The following CDK5RAP1 variants were observed in gnomAD, a reference collection of about 807,000 sequenced individuals.
The protein encoded by CDK5RAP1 is mitochondrial tRNA methylthiotransferase CDK5RAP1.
CDK5RAP1 carries 62 observed loss-of-function variants against 64.5 expected under a neutral mutation model. The observed-to-expected ratio is 0.96, with a 90% CI of 0.78 to 1.19. The LOEUF (loss-of-function observed/expected upper bound fraction) is 1.19. CDK5RAP1 is among the 50% of genes most tolerant of loss of function. The pLI, the probability that CDK5RAP1 is intolerant of heterozygous loss-of-function variation, is 0.00. For synonymous variants in CDK5RAP1, 250 were observed against 261.9 expected (o/e 0.95, Z 0.44); for missense variants, 657 against 735.0 (o/e 0.89, Z 1.23).
intron 5 of CDK5RAP1, among the ~76,000 whole-genome samples, chr20:33,389,233 G>A (rs1257140859): frequency 3.3e-5 from 5 of 150,846 alleles, no homozygotes; most frequent in Admixed American, 1.3e-4. Context: ...CCTCTGCCCC[G>A]CTGCCCCCTC....
At chr20:33,381,927 T>A (rs751590856) in intron 7 of CDK5RAP1, among the ~76,000 whole-genome samples, 2 of 152,164 alleles carry the variant, frequency 1.3e-5, no homozygotes, top group African/African-American at 4.8e-5. Context: ...AGTAAGACAT[T>A]AGTGGAGAAA....
rs929465491 is a variant in CDK5RAP1, at chr20:33,370,557, G to T, written c.1334C>A (p.Ser445Tyr). The change falls in exon 11 of 14, where the codon TCT becomes TAT. Residue 445 changes from serine to tyrosine, a missense_variant. Coordinates refer to ENST00000346416, the MANE Select transcript of CDK5RAP1 (RefSeq NM_016408.4). ...ETEEDHVQTV[S>Y]LLREVQYNMG... ...GTTGTACTGAACTTCCCGGAGCAAA[G>T]AGACTGTCTGGACGTGATCTTCCTC... The T allele has an allele frequency of 1.7e-5, 28 of 1,614,180 alleles. No homozygotes were observed. Among genetic ancestry groups the T allele is most frequent in the Non-Finnish European group, 2.2e-5 (26 of 1,180,024 alleles).
In CDK5RAP1 at chr20:33,370,485, A is replaced by T; in HGVS notation, c.1392+14T>A. ...TCAGGAATGATGTCAGTCCTCCCCA[A>T]CCCCAGGGCTCACCTGTCTCATGCT... On this transcript the variant is annotated intron_variant, in intron 11 of 13. Transcript: ENST00000346416. The T allele has an allele frequency of 6.2e-7, 1 of 1,613,674 alleles. No homozygotes were observed. The highest frequency in any genetic ancestry group is 8.5e-7 in the Non-Finnish European group (1 of 1,179,856).
At chr20:33,368,620 C>T (rs1368871319) in intron 11 of CDK5RAP1, among the ~76,000 whole-genome samples, 1 of 151,904 alleles carries the variant, frequency 6.6e-6, no homozygotes, top group Non-Finnish European at 1.5e-5. Context: ...TGCCTGTAAT[C>T]CCAGCACTTT....
chr20:33,401,205 C>A (rs1989377147), intron 1 of CDK5RAP1, among the ~76,000 whole-genome samples: 1 of 152,220 alleles, frequency 6.6e-6, no homozygotes, highest in Non-Finnish European at 1.5e-5. Context: ...GGTGGCGAAG[C>A]GAAGCCTTGA....
At chr20:33,377,553 A>G (rs1046771160) in intron 8 of CDK5RAP1, among the ~76,000 whole-genome samples, 1 of 152,218 alleles carries the variant, frequency 6.6e-6, no homozygotes, top group African/African-American at 2.4e-5. Flanking sequence ...CTTTGGCTTA[A>G]GGAAGTGCTG....
chr20:33,392,291 G>A (rs780957568), intron 4 of CDK5RAP1, 49 bp from the exon 5 acceptor site: 14 of 1,145,210 alleles, frequency 1.2e-5, no homozygotes, highest in African/African-American at 3.1e-5. Flanking sequence ...AACCACAGAG[G>A]TATCTAAGAG....
intron 1 of CDK5RAP1, among the ~76,000 whole-genome samples, chr20:33,398,196 G>A (rs1346526756): frequency 6.6e-6 from 1 of 152,068 alleles, no homozygotes; most frequent in Non-Finnish European, 1.5e-5. Context: ...AATGACCTAT[G>A]TATAAAGACA....
At chr20:33,366,444 A>G (rs1260121127) in intron 12 of CDK5RAP1, among the ~76,000 whole-genome samples, 1 of 119,308 alleles carries the variant, frequency 8.4e-6, no homozygotes, top group Non-Finnish European at 2.0e-5. Context: ...CCCCGTCTCT[A>G]CTAAAAAAAA....
chr20:33,392,062 C>A, intron 5 of CDK5RAP1, 80 bp downstream of exon 5: 1 of 833,156 alleles, frequency 1.2e-6, no homozygotes, highest in Non-Finnish European at 2.0e-6. Context: ...GGGAATCCAG[C>A]CTCTAAAGGA....
chr20:33,377,320 T>C (rs1032860734), intron 8 of CDK5RAP1, among the ~76,000 whole-genome samples: 1 of 152,230 alleles, frequency 6.6e-6, no homozygotes, highest in African/African-American at 2.4e-5. Flanking sequence ...ATCTGTTGTT[T>C]AGTAGAACCA....
At chr20:33,387,028 C>T (rs1479095884) in intron 6 of CDK5RAP1, among the ~76,000 whole-genome samples, 13 of 151,932 alleles carry the variant, frequency 8.6e-5, no homozygotes. Context: ...TTTTGGAAGG[C>T]TGAGGTGGGA....
chr20:33,397,898 A>G (rs1236167099), intron 1 of CDK5RAP1, among the ~76,000 whole-genome samples: 1 of 152,192 alleles, frequency 6.6e-6, no homozygotes, highest in Non-Finnish European at 1.5e-5. Flanking sequence ...AGGCTGAGAC[A>G]GGAGAATCAC....
chr20:33,386,743 T>A (rs1987477944), intron 6 of CDK5RAP1, among the ~76,000 whole-genome samples: 1 of 147,074 alleles, frequency 6.8e-6, no homozygotes, highest in Admixed American at 6.9e-5. Flanking sequence ...TATATAGCCA[T>A]TAAAATAAAC....
At chr20:33,390,929 T>C (rs1740451729) in intron 5 of CDK5RAP1, among the ~76,000 whole-genome samples, 1 of 152,156 alleles carries the variant, frequency 6.6e-6, no homozygotes, top group East Asian at 1.9e-4. Context: ...TCCAGTCATA[T>C]AGATCAGAAC....
In CDK5RAP1 at chr20:33,396,968, G is replaced by T; in HGVS notation, c.97C>A (p.His33Asn). 6.2e-7 allele frequency: 1 copy of T among 1,614,172 alleles called. No individual in the cohort carries two copies. The highest frequency in any genetic ancestry group is 8.5e-7 in the Non-Finnish European group (1 of 1,180,020). The change falls in exon 2 of 14, where the codon CAC (histidine) becomes AAC (asparagine). Residue 33 changes from histidine to asparagine, a missense_variant. Physicochemically the swap from His to Asn is moderately conservative, Grantham distance 68 (BLOSUM62 1). Transcript: ENST00000346416. ...CACATGGTACTAGAGAGACTGCTGT[G>T]TGCCCTGCACATCCTCAGCGACAGC... ...SWLSLRMCRA[H>N]SSLSSTMCPS...
Position 33,361,277 on chromosome 20 carries a change from G to C in CDK5RAP1, c.1543-786C>G, listed in dbSNP as rs549933915. 3.9e-5 allele frequency among the ~76,000 whole-genome samples: 6 copies of C among 152,330 alleles called. No individual in the cohort carries two copies. In the South Asian group the frequency reaches 1.2e-3, roughly 32 times the overall value. On this transcript the variant is annotated intron_variant, in intron 12 of 13. Transcript: ENST00000346416. Reference sequence around the variant, plus strand: ...CAGTGGTCCTCCCCTGCACTGAAGAGAGAGGGATCAATGTTCAGGGAGACT... The same window carrying C: ...CAGTGGTCCTCCCCTGCACTGAAGACAGAGGGATCAATGTTCAGGGAGACT...
In CDK5RAP1 at chr20:33,387,399, C is replaced by T. The variant is rs781287486; in HGVS notation, c.679G>A (p.Val227Met). 1.8e-5 allele frequency: 29 copies of T among 1,614,040 alleles called. No homozygotes were observed. The South Asian group carries it at 2.3e-4, about 13-fold the overall frequency. The change falls in exon 6 of 14, where the codon GTG becomes ATG. Residue 227 changes from valine to methionine, a missense_variant. By Grantham distance (21) the Val-to-Met change is conservative. Coordinates refer to ENST00000346416, the MANE Select transcript of CDK5RAP1 (RefSeq NM_016408.4). ...TAGGTCTCGTCCAGAGAGAGCAGCA[C>T]GTTGGCAGCTTGCTGGCCCGACTCA... ...VAESGQQAAN[V>M]LLSLDETYAD...
intron 5 of CDK5RAP1, among the ~76,000 whole-genome samples, chr20:33,389,231 C>T (rs930119748): frequency 4.6e-5 from 7 of 151,998 alleles, no homozygotes; most frequent in African/African-American, 1.7e-4. Flanking sequence ...TGCCTCTGCC[C>T]CGCTGCCCCC....
Sources: gnomAD v4.1 joint callset for allele counts (sites outside exome capture counted in the v4.1 genomes callset) on GRCh38, gnomAD v4.1.1 for gene constraint, MANE v1.5 for transcripts, NCBI Gene and HGNC (gene_info 2026-07-23, HGNC 2026-07-21) for gene names.